ZFYVE16: variants seen among roughly 807,000 people sequenced by gnomAD.
ZFYVE16 encodes the protein zinc finger FYVE domain-containing protein 16.
Under a neutral mutation model 138.1 loss-of-function variants are expected in ZFYVE16, and 89 were observed. The observed-to-expected ratio is 0.64, with a 90% CI of 0.54 to 0.77. The LOEUF (loss-of-function observed/expected upper bound fraction) is 0.77, where lower values mean the gene tolerates loss of function less well. ZFYVE16 is among the 30% of genes least tolerant of loss of function. ZFYVE16 has a pLI of 0.00. For missense variants in ZFYVE16, 1,793 were observed against 1,786.7 expected, an observed-to-expected ratio of 1.00 and a Z score of -0.06; for synonymous variants, 596 against 618.3, an observed-to-expected ratio of 0.96 and a Z score of 0.53.
At chr5:80,436,625 G>A in intron 3 of ZFYVE16, 131 bp from the exon 4 acceptor site, 1 of 737,552 alleles carries the variant, frequency 1.4e-6, no homozygotes. Context: ...GAGGTGATTT[G>A]TGTTTTGCAA....
intron 15 of ZFYVE16, among the ~76,000 whole-genome samples, chr5:80,466,914 A>C (rs770225451): frequency 6.6e-6 from 1 of 152,202 alleles, no homozygotes; most frequent in African/African-American, 2.4e-5. Flanking sequence ...AACTTGCCCT[A>C]TACCTATCCT....
Position 80,470,095 on chromosome 5 carries a change from G to GTA in ZFYVE16, c.4025-2665_4025-2664insAT, listed in dbSNP as rs869269094. The stretch of plus-strand genomic sequence containing the variant: ...TGTGTGTGTGTGTGTGTGTGTGTGT[G>GTA]TGTGTATTTTTTTTTTTTTTTTTTG... On this transcript the variant is annotated intron_variant, in intron 15 of 18. Transcript: ENST00000505560. Among the ~76,000 whole-genome samples the GTA allele has an allele frequency of 5.2e-4, 60 of 114,810 alleles. 1 individual carries two copies. Among genetic ancestry groups the GTA allele is most frequent in the East Asian group, 1.9e-3 (8 of 4,278 alleles). The allele number at this position is 114,810 out of a possible 152,430, so 75.3% of individuals were successfully genotyped here.
At chr5:80,425,430 T>C (rs1747851811) in intron 1 of ZFYVE16, among the ~76,000 whole-genome samples, 1 of 152,236 alleles carries the variant, frequency 6.6e-6, no homozygotes, top group African/African-American at 2.4e-5. Context: ...TATTGTCTTT[T>C]ACTCCCGTTT....
At chr5:80,423,689 C>G (rs1332096964) in intron 1 of ZFYVE16, among the ~76,000 whole-genome samples, 1 of 152,052 alleles carries the variant, frequency 6.6e-6, no homozygotes, top group Non-Finnish European at 1.5e-5. Flanking sequence ...GCACCCGCCA[C>G]CATGCCTGGC....
At chr5:80,425,905 T>TA (rs1016547596) in intron 1 of ZFYVE16, among the ~76,000 whole-genome samples, 28 of 152,306 alleles carry the variant, frequency 1.8e-4, no homozygotes, top group African/African-American at 6.5e-4. Flanking sequence ...AGCCATGGCC[T>TA]AGTCTGTTTA....
intron 15 of ZFYVE16, among the ~76,000 whole-genome samples, chr5:80,465,025 A>G (rs1413816295): frequency 1.3e-5 from 2 of 152,128 alleles, no homozygotes; most frequent in African/African-American, 2.4e-5. Flanking sequence ...CTGATTTATA[A>G]TTATTGATTT....
chr5:80,469,887 G>C (rs1281952863), intron 15 of ZFYVE16, among the ~76,000 whole-genome samples: 1 of 150,456 alleles, frequency 6.6e-6, no homozygotes, highest in African/African-American at 2.4e-5. Context: ...GTACTTTTCT[G>C]TTCCAGAATT....
chr5:80,464,776 A>G (rs1197680650), intron 15 of ZFYVE16, among the ~76,000 whole-genome samples: 7 of 151,976 alleles, frequency 4.6e-5, no homozygotes, highest in Admixed American at 4.6e-4. Flanking sequence ...GATATTTTCT[A>G]GTGTACCATT....
intron 4 of ZFYVE16, 111 bp downstream of exon 4, chr5:80,439,118 A>C: frequency 1.7e-6 from 2 of 1,185,048 alleles, no homozygotes; most frequent in Non-Finnish European, 2.3e-6. Flanking sequence ...GTTAGTTTAA[A>C]ATCAGTGTTT....
intron 1 of ZFYVE16, chr5:80,409,707 G>C (rs577514470): frequency 1.3e-5 from 2 of 152,332 alleles, no homozygotes; most frequent in Non-Finnish European, 2.9e-5. Flanking sequence ...AGCATATGAA[G>C]AAAACACCAG....
chr5:80,432,723 A>T (rs983819638), intron 2 of ZFYVE16, among the ~76,000 whole-genome samples: 16 of 152,188 alleles, frequency 1.1e-4, no homozygotes, highest in Non-Finnish European at 4.4e-5. Context: ...CTACAAAAAA[A>T]CTCAAACAAA....
chr5:80,432,501 A>G (rs1221726562), intron 2 of ZFYVE16, among the ~76,000 whole-genome samples: 1 of 152,216 alleles, frequency 6.6e-6, no homozygotes, highest in Non-Finnish European at 1.5e-5. Context: ...AAACCTAGGC[A>G]ATACCATTCA....
chr5:80,474,716 G>C lies in ZFYVE16; in HGVS notation c.4347G>C (p.Gln1449His). The change falls in exon 18 of 19, where the codon CAG becomes CAC. Residue 1449 changes from glutamine to histidine, a missense_variant. By Grantham distance (24) the Gln-to-His change is conservative. This residue lies in a region of ZFYVE16 where 498 missense variants were observed against 582.4 expected (regional missense o/e 0.86). Transcript: ENST00000505560. ...QDLSILSTSY[Q>H]FAKEIAMACS... ...TATCTATTTTATCAACTTCTTATCAGTTTGCAAAAGAAATAGCCATGGCTT... is the reference window on the plus strand; with the variant it reads ...TATCTATTTTATCAACTTCTTATCACTTTGCAAAAGAAATAGCCATGGCTT... 6.2e-7 allele frequency: 1 copy of C among 1,613,794 alleles called. No individual in the cohort carries two copies. The highest frequency in any genetic ancestry group is 1.1e-5 in the South Asian group (1 of 91,060).
intron 6 of ZFYVE16, among the ~76,000 whole-genome samples, chr5:80,445,026 C>T (rs1443244965): frequency 6.6e-6 from 1 of 152,098 alleles, no homozygotes; most frequent in East Asian, 1.9e-4. Context: ...CATTCCTTTT[C>T]ATAGTATATG....
intron 15 of ZFYVE16, among the ~76,000 whole-genome samples, chr5:80,467,145 G>A (rs922121020): frequency 1.3e-5 from 2 of 152,166 alleles, no homozygotes; most frequent in Admixed American, 6.5e-5. Context: ...AGTGTTTGTC[G>A]AAATGGAATG....
At position 80,440,040 on chromosome 5, in the gene ZFYVE16, T is replaced by G; in HGVS notation, c.2419+8T>G. The G allele has an allele frequency of 6.3e-7, 1 of 1,582,752 alleles. No homozygotes were observed. The highest frequency in any genetic ancestry group is 8.6e-7 in the Non-Finnish European group (1 of 1,167,206). ...ATGAAACTATTAGTAAAGGTGAGTA[T>G]TAACTTGATATATTTTCTTCCAGTA... On this transcript the variant is annotated splice_region_variant and intron_variant, in intron 5 of 18. Coordinates refer to ENST00000505560, the MANE Select transcript of ZFYVE16 (RefSeq NM_001284236.3).
intron 1 of ZFYVE16, chr5:80,411,877 A>G (rs1206262185): frequency 6.6e-6 from 1 of 152,248 alleles, no homozygotes; most frequent in Non-Finnish European, 1.5e-5. Flanking sequence ...CTAGCCACTC[A>G]TGGTGGAAAC....
intron 1 of ZFYVE16, among the ~76,000 whole-genome samples, chr5:80,413,329 G>C (rs1019569865): frequency 1.3e-5 from 2 of 152,000 alleles, no homozygotes; most frequent in Non-Finnish European, 2.9e-5. Flanking sequence ...AAATTAGCCA[G>C]GCATGGTGGC....
At chr5:80,444,865 C>T (rs922002499) in intron 6 of ZFYVE16, among the ~76,000 whole-genome samples, 1 of 151,960 alleles carries the variant, frequency 6.6e-6, no homozygotes, top group African/African-American at 2.4e-5. Flanking sequence ...GTCTCTACTC[C>T]TTACTCACAC....
Sources: allele counts gnomAD v4.1 joint callset (sites outside exome capture counted in the v4.1 genomes callset), GRCh38; gene constraint gnomAD v4.1.1; regional missense constraint gnomAD v4.1.1; transcripts MANE v1.5; gene names NCBI Gene and HGNC (gene_info 2026-07-23, HGNC 2026-07-21).